TBC1D9: variants seen among roughly 807,000 people sequenced by gnomAD.
The protein encoded by TBC1D9 is TBC1 domain family member 9A.
A neutral mutation model predicts 132.0 loss-of-function variants in TBC1D9; 63 were observed. The observed-to-expected ratio is 0.48, with a 90% CI of 0.39 to 0.59. TBC1D9 has a LOEUF of 0.59. Among genes scored for constraint, TBC1D9 ranks in the 20% least tolerant of loss-of-function variants. The probability of loss-of-function intolerance (pLI) is 0.00; values close to 1 mark genes in which losing one functional copy is unlikely to be tolerated. For missense variants in TBC1D9, 1,261 were observed against 1,592.7 expected (o/e 0.79, Z 3.54); for synonymous variants, 610 against 609.9 (o/e 1.00, Z 0.00).
chr4:140,657,225 A>G lies in TBC1D9; in HGVS notation c.2209T>C (p.Tyr737His), dbSNP rs779879877. Residue 737 changes from tyrosine (Y) to histidine (H), a missense_variant and splice_region_variant, in exon 13 of 21, where the codon TAT becomes CAT. Transcript: ENST00000442267. Reference protein sequence around the residue: ...DGEAMTVLGRYLDSVTNKDST... With the variant: ...DGEAMTVLGRHLDSVTNKDST... Reference sequence around the variant, plus strand: ...TCTTTATTGGTCACACTGTCTAAATACCTGGAAGAAGAATGCATCAGAAGT... The same window carrying G: ...TCTTTATTGGTCACACTGTCTAAATGCCTGGAAGAAGAATGCATCAGAAGT... 42 of 1,612,896 alleles carry G rather than the reference A, an allele frequency of 2.6e-5. No homozygotes were observed. Among genetic ancestry groups the G allele is most frequent in the Non-Finnish European group, 3.3e-5 (39 of 1,179,616 alleles).
intron 1 of TBC1D9, among the ~76,000 whole-genome samples, chr4:140,724,207 G>C (rs1738464937): frequency 6.6e-6 from 1 of 152,126 alleles, no homozygotes; most frequent in African/African-American, 2.4e-5. Flanking sequence ...CGGACCAGCT[G>C]GTCATTTCTA....
At chr4:140,746,403 C>A (rs1357630728) in intron 1 of TBC1D9, among the ~76,000 whole-genome samples, 2 of 152,102 alleles carry the variant, frequency 1.3e-5, no homozygotes, top group African/African-American at 2.4e-5. Context: ...TTTCATTTTT[C>A]TCAAGGTAGA....
At chr4:140,687,117 C>A (rs1435412950) in intron 2 of TBC1D9, among the ~76,000 whole-genome samples, 1 of 151,604 alleles carries the variant, frequency 6.6e-6, no homozygotes, top group Non-Finnish European at 1.5e-5. Context: ...TTCCAGCAAC[C>A]TCCAAACTTA....
At position 140,735,674 on chromosome 4, in the gene TBC1D9, G is replaced by A. The variant is rs1235009615; in HGVS notation, c.130+20242C>T. 2.6e-5 allele frequency among the ~76,000 whole-genome samples: 4 copies of A among 152,180 alleles called. 1 individual carries two copies. The highest frequency in any genetic ancestry group is 6.5e-5 in the Admixed American group (1 of 15,274). ...TGCAGTGAGCTATAATTGCACCACTGCACTCCAGCCCAGATGACAGAGCAA... is the reference window on the plus strand; with the variant it reads ...TGCAGTGAGCTATAATTGCACCACTACACTCCAGCCCAGATGACAGAGCAA... On this transcript the variant is annotated intron_variant, in intron 1 of 20. Coordinates refer to ENST00000442267, the MANE Select transcript of TBC1D9 (RefSeq NM_015130.3).
At chr4:140,632,979 G>A (rs140158680) in intron 16 of TBC1D9, among the ~76,000 whole-genome samples, 206 of 152,288 alleles carry the variant, frequency 1.4e-3, no homozygotes, top group African/African-American at 4.3e-3. Flanking sequence ...TCTTTTAAGC[G>A]TATAGATGAG....
At chr4:140,659,205 C>T (rs1257829387) in intron 11 of TBC1D9, among the ~76,000 whole-genome samples, 2 of 152,094 alleles carry the variant, frequency 1.3e-5, no homozygotes, top group Admixed American at 6.6e-5. Flanking sequence ...CTATTTTTTC[C>T]ACCCCAGATA....
chr4:140,740,740 G>A (rs765987943), intron 1 of TBC1D9, among the ~76,000 whole-genome samples: 5 of 152,040 alleles, frequency 3.3e-5, no homozygotes, highest in African/African-American at 4.8e-5. Context: ...CCTAAAGCTG[G>A]CTTAATAAAT....
At position 140,639,147 on chromosome 4, in the gene TBC1D9, G is replaced by C. The variant is rs1383955965; in HGVS notation, c.2444C>G (p.Thr815Ser). The C allele has an allele frequency of 6.3e-7, 1 of 1,579,758 alleles. No individual in the cohort carries two copies. ...GGTAAAGGAAGTTTCTGTCACAATG[G>C]TTCGTACCTATAAAAATATTAAGCA... ...EDTTKRNVVRTIVTETSFTID... is the reference protein window; with the variant it reads ...EDTTKRNVVRSIVTETSFTID... The change falls in exon 15 of 21, where the codon ACC (threonine) becomes AGC (serine). Residue 815 changes from threonine to serine, a missense_variant. Thr to Ser is a moderately conservative substitution (Grantham distance 58, BLOSUM62 1). Around this residue, in one of 3 missense-constraint regions of TBC1D9, gnomAD observed 618 missense variants for 724.4 expected, o/e 0.85. Transcript: ENST00000442267.
In TBC1D9 at chr4:140,657,618, T is replaced by C. The variant is rs761130496; in HGVS notation, c.2116A>G (p.Ile706Val). 46 of 1,613,856 alleles carry C rather than the reference T, an allele frequency of 2.9e-5. No individual in the cohort carries two copies. Among genetic ancestry groups the C allele is most frequent in the Non-Finnish European group, 3.6e-5 (43 of 1,179,884 alleles). ...DCFFYEGIKV[I>V]FQLALAVLDA... Reference sequence around the variant, plus strand: ...AGCACAGCTAGGGCCAACTGGAATATCACTTTAATTCCTTCATAGAAGAAA... The same window carrying C: ...AGCACAGCTAGGGCCAACTGGAATACCACTTTAATTCCTTCATAGAAGAAA... Residue 706 changes from isoleucine (I) to valine (V), a missense_variant, in exon 12 of 21, where the codon ATA becomes GTA. Ile to Val is a conservative substitution (Grantham distance 29). Coordinates refer to ENST00000442267, the MANE Select transcript of TBC1D9 (RefSeq NM_015130.3).
In TBC1D9 at chr4:140,622,048, A is replaced by T; in HGVS notation, c.*147T>A. On this transcript the variant is annotated 3_prime_UTR_variant, in exon 21 of 21. Coordinates refer to ENST00000442267, the MANE Select transcript of TBC1D9 (RefSeq NM_015130.3). The stretch of plus-strand genomic sequence containing the variant: ...TTTAAATATTTCTCCAACAGTTTTC[A>T]TTGAATTACATTATGAAAACACTAG... 1 of 1,161,360 alleles carries T rather than the reference A, an allele frequency of 8.6e-7. No individual in the cohort carries two copies. Among genetic ancestry groups the T allele is most frequent in the Non-Finnish European group, 1.2e-6 (1 of 869,476 alleles). 71.9% of individuals were successfully genotyped at this position (1,161,360 alleles called of 1,614,324 possible). A position where few individuals can be genotyped will look rare whatever the true frequency, so the allele number is the denominator to read the frequency against.
intron 1 of TBC1D9, among the ~76,000 whole-genome samples, chr4:140,755,661 T>C (rs1738999176): frequency 6.6e-6 from 1 of 152,212 alleles, no homozygotes; most frequent in South Asian, 2.1e-4. Context: ...AGACTCACTC[T>C]TTCCCATTCT....
At chr4:140,741,170 T>G (rs911639008) in intron 1 of TBC1D9, among the ~76,000 whole-genome samples, 1 of 152,108 alleles carries the variant, frequency 6.6e-6, no homozygotes, top group Non-Finnish European at 1.5e-5. Context: ...CAAAACAGAT[T>G]CTTTGTAGGA....
At chr4:140,647,526 A>T (rs77604434) in intron 13 of TBC1D9, among the ~76,000 whole-genome samples, 39 of 152,344 alleles carry the variant, frequency 2.6e-4, no homozygotes, top group African/African-American at 9.1e-4. Context: ...CCTCTATAAA[A>T]TGAGACCCCA....
intron 2 of TBC1D9, among the ~76,000 whole-genome samples, chr4:140,695,574 C>G (rs1485439747): frequency 6.6e-6 from 1 of 152,190 alleles, no homozygotes; most frequent in African/African-American, 2.4e-5. Context: ...TGAGCTGTCA[C>G]AGAACTCCTT....
At chr4:140,737,926 T>A (rs889267598) in intron 1 of TBC1D9, among the ~76,000 whole-genome samples, 1 of 152,202 alleles carries the variant, frequency 6.6e-6, no homozygotes, top group Non-Finnish European at 1.5e-5. Context: ...ATCTTGTATA[T>A]AATCTCACAT....
chr4:140,667,945 T>C (rs1212281673), intron 9 of TBC1D9, among the ~76,000 whole-genome samples: 2 of 152,188 alleles, frequency 1.3e-5, no homozygotes, highest in Non-Finnish European at 2.9e-5. Flanking sequence ...GAGTCGTAAT[T>C]ATTAATTTTA....
intron 1 of TBC1D9, 125 bp downstream of exon 1, chr4:140,755,791 C>T (rs547151506): frequency 7.4e-7 from 1 of 1,345,020 alleles, no homozygotes; most frequent in Non-Finnish European, 9.5e-7. Context: ...TCGCATACAA[C>T]GAGGCAGGGC....
At chr4:140,732,166 G>T (rs28756821) in intron 1 of TBC1D9, among the ~76,000 whole-genome samples, 7,432 of 152,168 alleles carry the variant, frequency 0.049, 213 homozygotes, top group Middle Eastern at 0.1. Context: ...CAAATTCAAA[G>T]GAGTATTGAT....
intron 2 of TBC1D9, among the ~76,000 whole-genome samples, chr4:140,693,119 C>G (rs1289239905): frequency 6.6e-6 from 1 of 151,838 alleles, no homozygotes; most frequent in Admixed American, 6.6e-5. Context: ...TTTTAATAAT[C>G]TTTTTCATTT....
Sources: gnomAD v4.1 joint callset for allele counts (sites outside exome capture counted in the v4.1 genomes callset) on GRCh38, gnomAD v4.1.1 for gene constraint, gnomAD v4.1.1 regional missense constraint, MANE v1.5 for transcripts, NCBI Gene and HGNC (gene_info 2026-07-23, HGNC 2026-07-21) for gene names.